PHACTR2: variants seen among roughly 807,000 people sequenced by gnomAD.
PHACTR2 encodes the protein chromosome 6 open reading frame 56.
Under a neutral mutation model 76.0 loss-of-function variants are expected in PHACTR2, and 30 were observed. The observed-to-expected ratio is 0.39, with a 90% confidence interval of 0.30 to 0.54. The LOEUF is 0.54. PHACTR2 is among the 20% of genes least tolerant of loss of function. PHACTR2 has a pLI of 0.61. For missense variants in PHACTR2, 696 were observed against 781.1 expected (o/e 0.89, Z 1.30); for synonymous variants, 292 against 292.5 (o/e 1.00, Z 0.02).
chr6:143,660,500 G>A (rs1776930393), intron 1 of PHACTR2, among the ~76,000 whole-genome samples: 1 of 152,130 alleles, frequency 6.6e-6, no homozygotes. Flanking sequence ...CAACATACGG[G>A]AATTGGAGAT....
In PHACTR2 at chr6:143,598,734, G is replaced by A. The variant is rs190659747; in HGVS notation, c.217+61527G>A. Among the ~76,000 whole-genome samples, 48 of 152,184 alleles carry A rather than the reference G, an allele frequency of 3.2e-4. No homozygotes were observed. The East Asian group carries it at 4.2e-3, about 13-fold the overall frequency. On this transcript the variant is annotated intron_variant, in intron 1 of 11. Coordinates refer to the PHACTR2 transcript ENST00000367584. This position sits in a 1 kb window ranked among gnomAD's most constrained non-coding sequence, Gnocchi z 4.1. ...AGTGCCTTTCCTGGCTTTGTCCTTC[G>A]TATCAGATGCAGATGTTTTATCTCC...
intron 1 of PHACTR2, among the ~76,000 whole-genome samples, chr6:143,651,006 C>T (rs1271409406): frequency 8.6e-5 from 13 of 151,730 alleles, no homozygotes; most frequent in Admixed American, 8.5e-4. Context: ...AAACAAACAA[C>T]CCCATTAAAA....
rs1402644932 is a variant in PHACTR2, at chr6:143,709,908, G to T, written c.47-2108G>T. 1.3e-5 allele frequency among the ~76,000 whole-genome samples: 2 copies of T among 152,142 alleles called. No homozygotes were observed. The highest frequency in any genetic ancestry group is 2.9e-5 in the Non-Finnish European group (2 of 68,032). On this transcript the variant is annotated intron_variant, in intron 1 of 12. Transcript: ENST00000440869. The surrounding 1 kb of genome is among the most constrained non-coding windows in gnomAD (Gnocchi z 4.4). ...TTCATTATCAGCCACCAGGCATAAAGGTGCTAGTTTCCTGCTTGGTCTTCT... is the reference window on the plus strand; with the variant it reads ...TTCATTATCAGCCACCAGGCATAAATGTGCTAGTTTCCTGCTTGGTCTTCT...
At chr6:143,538,839 TTAGAA>T (rs1356214846) in intron 1 of PHACTR2, among the ~76,000 whole-genome samples, 3 of 152,214 alleles carry the variant, frequency 2.0e-5, no homozygotes, top group Non-Finnish European at 4.4e-5. Context: ...GTCAGAACTG[TTAGAA>T]TAGAGGTAGT....
chr6:143,632,730 GA>G (rs1776384295), intron 1 of PHACTR2, among the ~76,000 whole-genome samples: 1 of 152,080 alleles, frequency 6.6e-6, no homozygotes, highest in African/African-American at 2.4e-5. Context: ...TAGTTTTTCT[GA>G]TCTAAAAAAT....
At position 143,654,897 on chromosome 6, in the gene PHACTR2, C is replaced by T. The variant is rs1006943629; in HGVS notation, c.13+46575C>T. ...TGCTAGCCGGGCACTGTGGCTCACG[C>T]CTGTAATCCCAGCACTTTGGGAGGC... is the stretch of plus-strand genomic sequence containing the variant. On this transcript the variant is annotated intron_variant, in intron 1 of 11. Coordinates refer to the PHACTR2 transcript ENST00000305766. The surrounding 1 kb of genome is among the most constrained non-coding windows in gnomAD (Gnocchi z 4.6). Among the ~76,000 whole-genome samples, 2 of 152,150 alleles carry T rather than the reference C, an allele frequency of 1.3e-5. No individual in the cohort carries two copies. The highest frequency in any genetic ancestry group is 2.4e-5 in the African/African-American group (1 of 41,410).
At chr6:143,576,442 C>A (rs928931911) in intron 1 of PHACTR2, among the ~76,000 whole-genome samples, 1 of 152,210 alleles carries the variant, frequency 6.6e-6, no homozygotes, top group African/African-American at 2.4e-5. Flanking sequence ...ACAGATTTTA[C>A]ATTTATTTAC....
Position 143,653,783 on chromosome 6 carries a change from G to A in PHACTR2, c.13+45461G>A, listed in dbSNP as rs920638803. On this transcript the variant is annotated intron_variant, in intron 1 of 11. Transcript: ENST00000305766. The surrounding 1 kb of genome is among the most constrained non-coding windows in gnomAD (Gnocchi z 4.9). ...AACAGGCTTAGAAGAAAACATAGGT[G>A]TAAATTTTCATGACCTTGAATTAGG... 1.3e-5 allele frequency among the ~76,000 whole-genome samples: 2 copies of A among 152,070 alleles called. No homozygotes were observed. Among genetic ancestry groups the A allele is most frequent in the African/African-American group, 4.8e-5 (2 of 41,410 alleles).
intron 1 of PHACTR2, among the ~76,000 whole-genome samples, chr6:143,637,749 G>A (rs909431176): frequency 6.6e-6 from 1 of 152,252 alleles, no homozygotes; most frequent in Non-Finnish European, 1.5e-5. Context: ...AGCCAGCAAG[G>A]AGAGCAAGGC....
In PHACTR2 at chr6:143,794,083, T is replaced by A. The variant is rs1775775563; in HGVS notation, c.1845+5173T>A. Among the ~76,000 whole-genome samples the A allele has an allele frequency of 6.6e-6, 1 of 151,930 alleles. No individual in the cohort carries two copies. Among genetic ancestry groups the A allele is most frequent in the African/African-American group, 2.4e-5 (1 of 41,400 alleles). On this transcript the variant is annotated intron_variant, in intron 11 of 12. Transcript: ENST00000440869. The surrounding 1 kb of genome is among the most constrained non-coding windows in gnomAD (Gnocchi z 4.1). ...AAAAATAAAAAAAGAACCACTTTAA[T>A]GCACGGTACTTTTAATAATTTCTAA...
At position 143,777,221 on chromosome 6, in the gene PHACTR2, ATTTT is replaced by A. The variant is rs1370694001; in HGVS notation, c.1590-105_1590-102del. ...TTTTATTTTGCAGCTTTAAAAATGG[ATTTT>A]TATTTCTCAAAACATGAAAAATAGA... On this transcript the variant is annotated intron_variant, in intron 8 of 12. Coordinates refer to ENST00000440869, the MANE Select transcript of PHACTR2 (RefSeq NM_001100164.2). This position sits in a 1 kb window ranked among gnomAD's most constrained non-coding sequence, Gnocchi z 4.6. 3 of 608,542 alleles carry A rather than the reference ATTTT, an allele frequency of 4.9e-6. No homozygotes were observed. Among genetic ancestry groups the A allele is most frequent in the Admixed American group, 6.8e-5 (2 of 29,544 alleles). 37.7% of individuals were successfully genotyped at this position (608,542 alleles called of 1,614,324 possible).
chr6:143,749,306 T>C (rs909505476), intron 3 of PHACTR2, among the ~76,000 whole-genome samples: 1 of 152,122 alleles, frequency 6.6e-6, no homozygotes, highest in Non-Finnish European at 1.5e-5. Flanking sequence ...AACCTAAAAC[T>C]CTGCAAAGGT....
At chr6:143,544,394 C>T (rs1473449449) in intron 1 of PHACTR2, among the ~76,000 whole-genome samples, 3 of 152,124 alleles carry the variant, frequency 2.0e-5, no homozygotes, top group African/African-American at 7.2e-5. Context: ...GGTATCACAC[C>T]TTTCTCCCCC....
chr6:143,634,085 C>G (rs1776409914), intron 1 of PHACTR2, among the ~76,000 whole-genome samples: 1 of 152,138 alleles, frequency 6.6e-6, no homozygotes, highest in East Asian at 1.9e-4. Flanking sequence ...GTAAAATAAT[C>G]TCATGTAGAA....
chr6:143,746,448 G>T lies in PHACTR2; in HGVS notation c.215-2537G>T, dbSNP rs192111525. On this transcript the variant is annotated intron_variant, in intron 2 of 12. Coordinates refer to ENST00000440869, the MANE Select transcript of PHACTR2 (RefSeq NM_001100164.2). ...GCTGAATTGGCAGTGCATTTGGTTT[G>T]CGAGAATGTGGCCCGATCCCTAGGC... Among the ~76,000 whole-genome samples the T allele has an allele frequency of 4.6e-3, 703 of 152,316 alleles. 4 individuals carry two copies. Among genetic ancestry groups the T allele is most frequent in the Non-Finnish European group, 6.1e-3 (412 of 68,014 alleles).
chr6:143,798,668 G>C (rs1168462144), intron 11 of PHACTR2, among the ~76,000 whole-genome samples: 1 of 152,192 alleles, frequency 6.6e-6, no homozygotes, highest in Admixed American at 6.5e-5. Flanking sequence ...CATTGGTTCT[G>C]TTTATGTGAT....
At chr6:143,740,183 A>C (rs944671665) in intron 2 of PHACTR2, among the ~76,000 whole-genome samples, 49 of 152,318 alleles carry the variant, frequency 3.2e-4, no homozygotes, top group African/African-American at 1.1e-3. Context: ...TAACATTGCC[A>C]TGCCATTTGT....
chr6:143,556,777 G>A lies in PHACTR2; in HGVS notation c.217+19570G>A, dbSNP rs767070319. On this transcript the variant is annotated intron_variant, in intron 1 of 11. Transcript: ENST00000367584. The surrounding 1 kb of genome is among the most constrained non-coding windows in gnomAD (Gnocchi z 4.3). ...TCACCATGGAATTTTCAGACTCAAC[G>A]CACTGGCCACACCATGGGGTCCAAT... Among the ~76,000 whole-genome samples, 9 of 152,196 alleles carry A rather than the reference G, an allele frequency of 5.9e-5. No homozygotes were observed. The highest frequency in any genetic ancestry group is 1.2e-4 in the African/African-American group (5 of 41,440).
chr6:143,602,598 G>A lies in PHACTR2; in HGVS notation c.217+65391G>A, dbSNP rs6915651. Among the ~76,000 whole-genome samples, 62,206 of 152,054 alleles carry A rather than the reference G, an allele frequency of 0.41. 13,539 individuals carry two copies. The highest frequency in any genetic ancestry group is 0.5 in the Non-Finnish European group (33,647 of 67,966). ...CACAGCCTTCAGCTTTTGGCTCCCT[G>A]CTCATTCATCGAAATGGTCAGCTAG... On this transcript the variant is annotated intron_variant, in intron 1 of 11. Coordinates refer to the PHACTR2 transcript ENST00000367584. The surrounding 1 kb of genome is among the most constrained non-coding windows in gnomAD (Gnocchi z 6.1).
Sources: allele counts gnomAD v4.1 joint callset (sites outside exome capture counted in the v4.1 genomes callset), GRCh38; gene constraint gnomAD v4.1.1; non-coding constraint Gnocchi (gnomAD v3.1); transcripts MANE v1.5; gene names NCBI Gene and HGNC (gene_info 2026-07-23, HGNC 2026-07-21).